KMT2C: variants seen among roughly 807,000 people sequenced by gnomAD.
KMT2C encodes the protein lysine methyltransferase 2C.
KMT2C carries 88 observed loss-of-function variants against 507.9 expected under a neutral mutation model. The observed-to-expected ratio is 0.17, with a 90% CI of 0.15 to 0.21. The LOEUF (loss-of-function observed/expected upper bound fraction) is 0.21, where lower values mean the gene tolerates loss of function less well. KMT2C is among the 10% of genes least tolerant of loss of function. The pLI is 1.00. For synonymous variants in KMT2C, 2,049 were observed against 2,080.8 expected (o/e 0.98, Z 0.42); for missense variants, 4,954 against 5,957.8 (o/e 0.83, Z 5.55).
chr7:152,151,054 T>A, intron 50 of KMT2C, 47 bp from the exon 51 acceptor site: 2 of 1,142,524 alleles, frequency 1.8e-6, no homozygotes, highest in Non-Finnish European at 2.6e-6. Flanking sequence ...AGTCAAAATT[T>A]AATAAAAACA....
At chr7:152,203,094 T>C (rs2094194881) in intron 25 of KMT2C, 30 bp from the exon 26 acceptor site, 1 of 1,553,330 alleles carries the variant, frequency 6.4e-7, no homozygotes, top group Admixed American at 2.0e-5. Context: ...TATAAATATG[T>C]GACATTTAAA....
At chr7:152,208,840 A>G (rs2094377598) in intron 23 of KMT2C, among the ~76,000 whole-genome samples, 1 of 152,194 alleles carries the variant, frequency 6.6e-6, no homozygotes, top group African/African-American at 2.4e-5. Context: ...CAATCTGATA[A>G]TGGCTATCGG....
At chr7:152,288,856 A>G (rs1184686286) in intron 6 of KMT2C, among the ~76,000 whole-genome samples, 2 of 152,274 alleles carry the variant, frequency 1.3e-5, no homozygotes, top group Non-Finnish European at 2.9e-5. Context: ...ACCTGAAACC[A>G]TGGAGGCCAG....
At chr7:152,434,858 A>AT (rs2097901385) in intron 1 of KMT2C, among the ~76,000 whole-genome samples, 2 of 152,134 alleles carry the variant, frequency 1.3e-5, no homozygotes, top group Admixed American at 1.3e-4. Context: ...GGGAAGCGAC[A>AT]TTTACATCTG....
At chr7:152,256,694 C>T (rs2095667491) in intron 9 of KMT2C, among the ~76,000 whole-genome samples, 1 of 152,126 alleles carries the variant, frequency 6.6e-6, no homozygotes, top group Non-Finnish European at 1.5e-5. Flanking sequence ...TCTTCAATAA[C>T]AGGCAAAACA....
intron 9 of KMT2C, among the ~76,000 whole-genome samples, chr7:152,255,975 C>T (rs1281915690): frequency 2.0e-5 from 3 of 152,162 alleles, no homozygotes; most frequent in South Asian, 4.1e-4. Context: ...TCAACACCAG[C>T]CTGGCCAACA....
chr7:152,380,247 A>AAAAAC (rs902317586), intron 1 of KMT2C, among the ~76,000 whole-genome samples: 1 of 144,792 alleles, frequency 6.9e-6, no homozygotes, highest in Non-Finnish European at 1.5e-5. Flanking sequence ...CTCCAAAAAA[A>AAAAAC]AAAACAAAAC....
At position 152,148,462 on chromosome 7, in the gene KMT2C, T is replaced by C; in HGVS notation, c.13465A>G (p.Ile4489Val). 1.2e-6 allele frequency: 2 copies of C among 1,614,270 alleles called. No homozygotes were observed. Among genetic ancestry groups the C allele is most frequent in the Non-Finnish European group, 1.7e-6 (2 of 1,180,056 alleles). Reference sequence around the variant, plus strand: ...TTAAAAAACATGCATTGTGCTTTAATGGCGCAAGTGAAGTGATAAATGTTG... The same window carrying C: ...TTAAAAAACATGCATTGTGCTTTAACGGCGCAAGTGAAGTGATAAATGTTG... ...CTNIYHFTCA[I>V]KAQCMFFKDK... is the part of the protein sequence containing the mutation. The change falls in exon 52 of 59, where the codon ATT becomes GTT. Residue 4489 changes from isoleucine (I) to valine (V), a missense_variant. Coordinates refer to ENST00000262189, the MANE Select transcript of KMT2C (RefSeq NM_170606.3). The surrounding 1 kb of genome is among the most constrained non-coding windows in gnomAD (Gnocchi z 7.1).
chr7:152,305,283 T>C (rs990160819), intron 6 of KMT2C, among the ~76,000 whole-genome samples: 6 of 152,236 alleles, frequency 3.9e-5, no homozygotes, highest in Middle Eastern at 3.4e-3. Context: ...AAGCAGATAT[T>C]ATGGGAAGGC....
chr7:152,400,139 CCT>C (rs1294463282), intron 1 of KMT2C, among the ~76,000 whole-genome samples: 11 of 151,964 alleles, frequency 7.2e-5, no homozygotes, highest in African/African-American at 2.7e-4. Context: ...GGTGAAACCC[CCT>C]CTCTACTAAA....
chr7:152,162,336 G>A lies in KMT2C; in HGVS notation c.11241C>T (p.Asn3747=), dbSNP rs145379616. 2.8e-5 allele frequency: 45 copies of A among 1,614,086 alleles called. No homozygotes were observed. Among genetic ancestry groups the A allele is most frequent in the African/African-American group, 5.3e-5 (4 of 74,930 alleles). The change falls in exon 43 of 59, where the codon AAC becomes AAT. Residue 3747 remains asparagine (N), a synonymous_variant. Transcript: ENST00000262189. ...CTGAGGAGACAGGACAGGCTACAGC[G>A]TTTCCTTCTACCTTACTACCATTCT... The part of the protein sequence containing the change: ...EEQNGSKVEG[N]AVACPVSSAQ...
chr7:152,215,688 T>TATATATATATATATATACATAC (rs766518165), intron 23 of KMT2C, among the ~76,000 whole-genome samples: 5 of 134,496 alleles, frequency 3.7e-5, no homozygotes, highest in African/African-American at 1.3e-4. Flanking sequence ...TATATATATA[T>TATATATATATATATATACATAC]ACACACACAC....
At chr7:152,254,535 AT>A (rs1018503241) in intron 9 of KMT2C, among the ~76,000 whole-genome samples, 22 of 152,320 alleles carry the variant, frequency 1.4e-4, no homozygotes, top group African/African-American at 5.0e-4. Context: ...ATCAAAACCC[AT>A]TACTAATAAC....
chr7:152,235,432 G>A (rs1314627046), intron 16 of KMT2C, among the ~76,000 whole-genome samples: 3 of 151,746 alleles, frequency 2.0e-5, no homozygotes, highest in Non-Finnish European at 4.4e-5. Flanking sequence ...ATAAAATAGC[G>A]AAGTTATTAC....
rs2093139963 is a variant in KMT2C, at chr7:152,175,112, A to G, written c.9263-870T>C. ...TTGTAACTCAGTTTTGAATCTCTTA[A>G]TTTACCTGGAAAGAATCTAAAACTC... is the stretch of plus-strand genomic sequence containing the variant. On this transcript the variant is annotated intron_variant, in intron 38 of 58. Coordinates refer to ENST00000262189, the MANE Select transcript of KMT2C (RefSeq NM_170606.3). 4.0e-5 allele frequency among the ~76,000 whole-genome samples: 6 copies of G among 151,312 alleles called. 2 individuals are homozygous for G. The Middle Eastern group carries it at 0.01, about 257-fold the overall frequency.
chr7:152,374,418 G>C (rs890898963), intron 1 of KMT2C, among the ~76,000 whole-genome samples: 6 of 152,016 alleles, frequency 3.9e-5, no homozygotes, highest in Admixed American at 6.5e-5. Context: ...ATTCTCAATA[G>C]AAAAATAACA....
At chr7:152,420,228 T>C (rs73164557) in intron 1 of KMT2C, among the ~76,000 whole-genome samples, 4,571 of 152,206 alleles carry the variant, frequency 0.03, 146 homozygotes, top group Non-Finnish European at 0.037. Context: ...GCTTCAGAAA[T>C]GTACTTTGAA....
chr7:152,264,321 T>C (rs1207725668), intron 8 of KMT2C, among the ~76,000 whole-genome samples: 2 of 152,126 alleles, frequency 1.3e-5, no homozygotes. Context: ...AGCCTGTAAA[T>C]GAAGATACTG....
intron 39 of KMT2C, among the ~76,000 whole-genome samples, chr7:152,173,271 T>C (rs985308942): frequency 6.6e-6 from 1 of 152,198 alleles, no homozygotes; most frequent in Admixed American, 6.5e-5. Context: ...TTCAATTCTA[T>C]AATCATCCAC....
Sources: gnomAD v4.1 joint callset for allele counts (sites outside exome capture counted in the v4.1 genomes callset) on GRCh38, gnomAD v4.1.1 for gene constraint, Gnocchi (gnomAD v3.1) non-coding constraint, MANE v1.5 for transcripts, NCBI Gene and HGNC (gene_info 2026-07-23, HGNC 2026-07-21) for gene names.